Variants in PACSIN1 observed in about 807,000 individuals in gnomAD.
The protein encoded by PACSIN1 is protein kinase C and casein kinase substrate in neurons protein 1.
Under a neutral mutation model 59.5 loss-of-function variants are expected in PACSIN1, and 15 were observed. That is an observed-to-expected ratio of 0.25 (90% confidence interval 0.17 to 0.39). The LOEUF is 0.39. PACSIN1 is among the 10% of genes least tolerant of loss of function. The probability of loss-of-function intolerance (pLI) is 1.00; values close to 1 mark genes in which losing one functional copy is unlikely to be tolerated. For synonymous variants in PACSIN1, 210 were observed against 220.6 expected (o/e 0.95, Z 0.42); for missense variants, 420 against 580.2 (o/e 0.72, Z 2.84).
intron 1 of PACSIN1, among the ~76,000 whole-genome samples, chr6:34,471,082 A>G (rs1264045238): frequency 6.6e-6 from 1 of 152,110 alleles, no homozygotes; most frequent in East Asian, 1.9e-4. Context: ...AGTAGCTGAG[A>G]TTACAGGTGC....
At chr6:34,495,871 G>A (rs1040599143) in intron 1 of PACSIN1, among the ~76,000 whole-genome samples, 3 of 152,196 alleles carry the variant, frequency 2.0e-5, no homozygotes, top group African/African-American at 7.2e-5. Context: ...TTACTCAAAG[G>A]GTCCCTCTGT....
chr6:34,474,790 GAAAAAAA>G (rs60232588), intron 1 of PACSIN1, among the ~76,000 whole-genome samples: 1 of 78,332 alleles, frequency 1.3e-5, no homozygotes, highest in Non-Finnish European at 2.2e-5. Flanking sequence ...CTCTGTCTCA[GAAAAAAA>G]AAAAAAAAAA....
chr6:34,532,628 T>C lies in PACSIN1; in HGVS notation c.*98T>C. ...CCTCGCCATAGAGTTCCAGACATATTTTCCGATCAAGCTTTTATTTTTTTA... is the reference window on the plus strand; with the variant it reads ...CCTCGCCATAGAGTTCCAGACATATCTTCCGATCAAGCTTTTATTTTTTTA... On this transcript the variant is annotated 3_prime_UTR_variant, in exon 10 of 10. Coordinates refer to ENST00000244458, the MANE Select transcript of PACSIN1 (RefSeq NM_020804.5). This position sits in a 1 kb window ranked among gnomAD's most constrained non-coding sequence, Gnocchi z 5.2. 1.4e-6 allele frequency: 1 copy of C among 690,288 alleles called. No homozygotes were observed. The allele number at this position is 690,288 out of a possible 1,614,324, so 42.8% of individuals were successfully genotyped here. A position where few individuals can be genotyped will look rare whatever the true frequency, so the allele number is the denominator to read the frequency against.
At chr6:34,479,245 T>G (rs1285404079) in intron 1 of PACSIN1, among the ~76,000 whole-genome samples, 1 of 150,286 alleles carries the variant, frequency 6.7e-6, no homozygotes, top group African/African-American at 2.5e-5. Context: ...CTCCATCATG[T>G]AGGTAAAAAA....
intron 1 of PACSIN1, among the ~76,000 whole-genome samples, chr6:34,492,802 A>G (rs758789164): frequency 1.5e-4 from 23 of 152,376 alleles, no homozygotes; most frequent in Non-Finnish European, 2.4e-4. Context: ...AGTAGACACC[A>G]TGGACTTCTA....
At position 34,481,151 on chromosome 6, in the gene PACSIN1, ATTC is replaced by A. The variant is rs1168493401; in HGVS notation, c.-64+14886_-64+14888del. On this transcript the variant is annotated intron_variant, in intron 1 of 9. Coordinates refer to ENST00000244458, the MANE Select transcript of PACSIN1 (RefSeq NM_020804.5). ...ACCTCCACCTCCCTGGGTTCAAGTG[ATTC>A]TTCTGCCTCAGCCCCCCGAGAGCTG... Among the ~76,000 whole-genome samples the A allele has an allele frequency of 6.6e-5, 10 of 151,322 alleles. No homozygotes were observed. The East Asian group carries it at 7.9e-4, about 12-fold the overall frequency.
intron 1 of PACSIN1, among the ~76,000 whole-genome samples, chr6:34,479,050 C>T (rs1487913925): frequency 6.6e-6 from 1 of 152,106 alleles, no homozygotes; most frequent in Non-Finnish European, 1.5e-5. Context: ...CTAATCCATT[C>T]CCACAGCACT....
At position 34,534,650 on chromosome 6, in the gene PACSIN1, G is replaced by A. The variant is rs921124316; in HGVS notation, c.*2120G>A. The A allele has an allele frequency of 6.5e-6, 1 of 152,796 alleles. No homozygotes were observed. Among genetic ancestry groups the A allele is most frequent in the Non-Finnish European group, 1.5e-5 (1 of 68,182 alleles). The allele number at this position is 152,796 out of a possible 1,614,324, so 9.5% of individuals were successfully genotyped here. A position where few individuals can be genotyped will look rare whatever the true frequency, so the allele number is the denominator to read the frequency against. ...TGCAGCCCCAGCTGGACTCCAGCCT[G>A]TCCCTCTTAGCACTCTAGCTGCCCA... On this transcript the variant is annotated 3_prime_UTR_variant, in exon 10 of 10. Transcript: ENST00000244458.
chr6:34,526,727 C>T (rs1444454725), intron 2 of PACSIN1, among the ~76,000 whole-genome samples: 2 of 152,180 alleles, frequency 1.3e-5, no homozygotes, highest in Non-Finnish European at 2.9e-5. Context: ...AGGGGTGGAG[C>T]GCCGGACACA....
Position 34,528,724 on chromosome 6 carries a change from G to A in PACSIN1, c.303G>A (p.Val101=). The A allele has an allele frequency of 1.2e-6, 2 of 1,614,126 alleles. No individual in the cohort carries two copies. ...ADKVSELHQE[V]KNNLLNEDLE... ...AGGTGAGCGAGCTGCACCAGGAGGTGAAGAACAATCTGCTGAATGAGGACC... is the reference window on the plus strand; with the variant it reads ...AGGTGAGCGAGCTGCACCAGGAGGTAAAGAACAATCTGCTGAATGAGGACC... The change falls in exon 4 of 10, where the codon GTG becomes GTA. Residue 101 remains valine, a synonymous_variant. Coordinates refer to ENST00000244458, the MANE Select transcript of PACSIN1 (RefSeq NM_020804.5).
rs1767559028 is a variant in PACSIN1, at chr6:34,529,863, C to T, written c.788+22C>T. The T allele has an allele frequency of 4.4e-6, 7 of 1,608,458 alleles. No homozygotes were observed. The highest frequency in any genetic ancestry group is 5.9e-6 in the Non-Finnish European group (7 of 1,177,262). On this transcript the variant is annotated intron_variant, in intron 6 of 9. Transcript: ENST00000244458. The surrounding 1 kb of genome is among the most constrained non-coding windows in gnomAD (Gnocchi z 6.3). ...GCAGGTACCTGGGCATGGCAGGCAC[C>T]GAGGGCACAGGCACAGCCAGCAGAT...
At chr6:34,508,417 T>A (rs893921500) in intron 1 of PACSIN1, among the ~76,000 whole-genome samples, 6 of 152,238 alleles carry the variant, frequency 3.9e-5, no homozygotes, top group East Asian at 3.9e-4. Flanking sequence ...AGTTATTTTT[T>A]AAATTTTCTT....
intron 1 of PACSIN1, among the ~76,000 whole-genome samples, chr6:34,494,795 T>C (rs867916900): frequency 5.3e-5 from 8 of 152,194 alleles, no homozygotes; most frequent in African/African-American, 1.9e-4. Flanking sequence ...CCTTGGACCA[T>C]ACTTTGAGTA....
At chr6:34,487,440 C>T (rs565206869) in intron 1 of PACSIN1, among the ~76,000 whole-genome samples, 1 of 152,266 alleles carries the variant, frequency 6.6e-6, no homozygotes, top group East Asian at 1.9e-4. Context: ...CTCCGGTGGG[C>T]TGAGTGGTTT....
chr6:34,498,817 A>T (rs1007339439), intron 1 of PACSIN1, among the ~76,000 whole-genome samples: 1 of 148,438 alleles, frequency 6.7e-6, no homozygotes, highest in Non-Finnish European at 1.5e-5. Context: ...AAAAAAAAAA[A>T]GTGTCCCAGG....
At chr6:34,490,516 C>T (rs1766860596) in intron 1 of PACSIN1, among the ~76,000 whole-genome samples, 2 of 152,136 alleles carry the variant, frequency 1.3e-5, no homozygotes, top group African/African-American at 4.8e-5. Flanking sequence ...CTGCCTCCAT[C>T]TCATGACTCC....
At chr6:34,487,884 C>T (rs1004879295) in intron 1 of PACSIN1, among the ~76,000 whole-genome samples, 24 of 152,186 alleles carry the variant, frequency 1.6e-4, no homozygotes, top group African/African-American at 5.6e-4. Context: ...CCTACAGCAT[C>T]CACTGCAGCC....
Position 34,470,431 on chromosome 6 carries a change from G to A in PACSIN1, c.-64+4161G>A, listed in dbSNP as rs981250855. Among the ~76,000 whole-genome samples the A allele has an allele frequency of 7.9e-5, 12 of 151,960 alleles. No homozygotes were observed. In the East Asian group the frequency reaches 1.5e-3, roughly 20 times the overall value. On this transcript the variant is annotated intron_variant, in intron 1 of 9. Coordinates refer to ENST00000244458, the MANE Select transcript of PACSIN1 (RefSeq NM_020804.5). Reference sequence around the variant, plus strand: ...CCTGACCTCGTGATCCACCCGCCTCGGCCTCCCAAAGTGCTGGGATTACAG... The same window carrying A: ...CCTGACCTCGTGATCCACCCGCCTCAGCCTCCCAAAGTGCTGGGATTACAG...
intron 1 of PACSIN1, among the ~76,000 whole-genome samples, chr6:34,481,439 T>C (rs1359454121): frequency 6.6e-6 from 1 of 152,006 alleles, no homozygotes; most frequent in African/African-American, 2.4e-5. Flanking sequence ...TCCCAGCACT[T>C]AGGGAGGCCG....
Sources: allele counts gnomAD v4.1 joint callset (sites outside exome capture counted in the v4.1 genomes callset), GRCh38; gene constraint gnomAD v4.1.1; non-coding constraint Gnocchi (gnomAD v3.1); transcripts MANE v1.5; gene names NCBI Gene and HGNC (gene_info 2026-07-23, HGNC 2026-07-21).